FBN3: variants seen among roughly 807,000 people sequenced by gnomAD.
FBN3 encodes the protein fibrillin 3, also known as fibrillin-3.
Under a neutral mutation model 330.1 loss-of-function variants are expected in FBN3, and 234 were observed. The ratio of observed to expected loss-of-function variants is 0.71; its 90% CI spans 0.64 to 0.79. The LOEUF (loss-of-function observed/expected upper bound fraction) is 0.79. Among genes scored for constraint, FBN3 ranks in the 30% least tolerant of loss-of-function variants. The pLI, the probability that FBN3 is intolerant of heterozygous loss-of-function variation, is 0.00. For synonymous variants in FBN3, 1,458 were observed against 1,517.3 expected (o/e 0.96, Z 0.91); for missense variants, 3,606 against 3,886.9 (o/e 0.93, Z 1.92).
At chr19:8,145,964 A>G in intron 4 of FBN3, 26 bp from the exon 5 acceptor site, 1 of 1,542,268 alleles carries the variant, frequency 6.5e-7, no homozygotes, top group Non-Finnish European at 8.8e-7. Flanking sequence ...CAGGACGCAT[A>G]GTAATGTGGA....
chr19:8,119,606 T>G (rs1454175027), intron 25 of FBN3, among the ~76,000 whole-genome samples: 1 of 151,996 alleles, frequency 6.6e-6, no homozygotes, highest in Non-Finnish European at 1.5e-5. Context: ...CTCCGCCTCC[T>G]GGGTTCATGC....
rs79008349 is a variant in FBN3, at chr19:8,086,211, G to C, written c.6869C>G (p.Thr2290Ser). The change falls in exon 55 of 64, where the codon ACC (threonine) becomes AGC (serine). Residue 2290 changes from threonine to serine, a missense_variant. Physicochemically the swap from Thr to Ser is moderately conservative, Grantham distance 58. Transcript: ENST00000600128. ...CCAGCCACACTCACCGTGGCACTCG[G>C]TAAGGGTGGGGCTGGGCTGGAATCC... ...DEGFQPSPTL[T>S]ECHDIRQGPC... is the part of the protein sequence containing the mutation. 1.3e-5 allele frequency: 21 copies of C among 1,608,838 alleles called. No individual in the cohort carries two copies. The highest frequency in any genetic ancestry group is 1.7e-5 in the Admixed American group (1 of 59,636).
At chr19:8,103,726 C>A in intron 38 of FBN3, 39 bp from the exon 39 acceptor site, 1 of 1,598,772 alleles carries the variant, frequency 6.3e-7, no homozygotes, top group Admixed American at 1.7e-5. Flanking sequence ...CAGTGGGCAG[C>A]GTCCAGGAAT....
intron 45 of FBN3, 80 bp from the exon 46 acceptor site, chr19:8,095,583 T>C: frequency 6.8e-7 from 1 of 1,481,192 alleles, no homozygotes; most frequent in Non-Finnish European, 9.2e-7. Flanking sequence ...TGTCCACAAC[T>C]GAGTTGAGCT....
At chr19:8,087,993 G>C in intron 52 of FBN3, 46 bp from the exon 53 acceptor site, 2 of 1,614,040 alleles carry the variant, frequency 1.2e-6, no homozygotes, top group Non-Finnish European at 1.7e-6. Context: ...ACTGAGGGCG[G>C]GACCTCCACT....
intron 48 of FBN3, among the ~76,000 whole-genome samples, chr19:8,090,542 G>A (rs533179837): frequency 6.7e-6 from 1 of 150,116 alleles, no homozygotes; most frequent in Non-Finnish European, 1.5e-5. Flanking sequence ...GGAGTGCAGT[G>A]GCACGATCTC....
intron 10 of FBN3, among the ~76,000 whole-genome samples, chr19:8,137,343 G>A (rs1196003115): frequency 6.7e-6 from 1 of 148,986 alleles, no homozygotes; most frequent in African/African-American, 2.5e-5. Context: ...TCCAACCTGG[G>A]GCCTTAGATC....
chr19:8,084,776 T>C (rs150353903), intron 56 of FBN3, among the ~76,000 whole-genome samples: 8,197 of 151,578 alleles, frequency 0.054, 754 homozygotes, highest in African/African-American at 0.19. Context: ...TTAGTAGAGA[T>C]GAGGTTTCAC....
chr19:8,130,974 A>G (rs1394770268), intron 16 of FBN3, among the ~76,000 whole-genome samples: 1 of 152,104 alleles, frequency 6.6e-6, no homozygotes, highest in Non-Finnish European at 1.5e-5. Context: ...AGATTGCTGG[A>G]GCCACCACCA....
chr19:8,085,932 C>T (rs967205291), intron 55 of FBN3, among the ~76,000 whole-genome samples: 4 of 150,804 alleles, frequency 2.7e-5, no homozygotes, highest in Non-Finnish European at 5.9e-5. Flanking sequence ...CCGTCAGTGC[C>T]GCAGGCCCCG....
chr19:8,146,046 C>G lies in FBN3; in HGVS notation c.349+81G>C, dbSNP rs2083536000. 25 of 1,508,482 alleles carry G rather than the reference C, an allele frequency of 1.7e-5. No homozygotes were observed. The Admixed American group carries it at 4.7e-4, about 29-fold the overall frequency. The allele number at this position is 1,508,482 out of a possible 1,614,324, so 93.4% of individuals were successfully genotyped here. ...GCTCAGCCCCGCTCCTGTCCTTCAA[C>G]AAAAGCAGCCCAGGCTCCTCGTGGC... On this transcript the variant is annotated intron_variant, in intron 4 of 63. Transcript: ENST00000600128.
intron 30 of FBN3, among the ~76,000 whole-genome samples, chr19:8,113,071 A>T (rs144189520): frequency 2.0e-5 from 3 of 152,346 alleles, no homozygotes; most frequent in Non-Finnish European, 4.4e-5. Flanking sequence ...GATGTAACTA[A>T]GTTAAGATGA....
At chr19:8,081,917 G>T (rs1474741586) in intron 57 of FBN3, among the ~76,000 whole-genome samples, 1 of 151,978 alleles carries the variant, frequency 6.6e-6, no homozygotes, top group Non-Finnish European at 1.5e-5. Context: ...CAGGGTGGGG[G>T]TGGGAGAACG....
intron 9 of FBN3, 41 bp from the exon 10 acceptor site, chr19:8,138,364 C>T (rs1489310035): frequency 2.5e-6 from 4 of 1,610,360 alleles, no homozygotes; most frequent in Non-Finnish European, 3.4e-6. Flanking sequence ...TTGGCCCTCC[C>T]CTGTCCCCTC....
chr19:8,080,896 A>T, intron 59 of FBN3, 107 bp downstream of exon 59: 1 of 757,724 alleles, frequency 1.3e-6, no homozygotes, highest in Non-Finnish European at 2.2e-6. Flanking sequence ...TGCTGGGATT[A>T]CAGGCGTGAG....
chr19:8,086,264 C>T lies in FBN3; in HGVS notation c.6816G>A (p.Ala2272=), dbSNP rs770460312. The stretch of plus-strand genomic sequence containing the variant: ...CATCACAGTCGCACCGGAAGCTGCC[C>T]GCGGTGTTGACACAGCGGCCGTTGA... The part of the protein sequence containing the change: ...LCVNGRCVNT[A]GSFRCDCDEG... The change falls in exon 55 of 64, where the codon GCG becomes GCA. Residue 2272 remains alanine, a synonymous_variant. Transcript: ENST00000600128. The T allele has an allele frequency of 1.3e-5, 21 of 1,611,086 alleles. No homozygotes were observed. Among genetic ancestry groups the T allele is most frequent in the Admixed American group, 5.0e-5 (3 of 59,792 alleles).
intron 16 of FBN3, among the ~76,000 whole-genome samples, chr19:8,130,583 T>TGAAAGAAA (rs1295951203): frequency 4.3e-4 from 6 of 14,068 alleles, no homozygotes; most frequent in African/African-American, 3.0e-3. Context: ...AAAGAAAGAA[T>TGAAAGAAA]GAAAGAAAGA....
chr19:8,135,936 G>GGGGGGGGGGGGGGGGGGGGGGGGGGGCC, intron 13 of FBN3, 25 bp downstream of exon 13: 2 of 668,776 alleles, frequency 3.0e-6, no homozygotes, highest in Non-Finnish European at 4.8e-6. Context: ...GGAAGCCCCT[G>GGGGGGGGGGGGGGGGGGGGGGGGGGGCC]CCCACCCGCC....
intron 28 of FBN3, among the ~76,000 whole-genome samples, 164 bp downstream of exon 28, chr19:8,117,005 G>T (rs2082720353): frequency 1.3e-5 from 2 of 152,086 alleles, no homozygotes; most frequent in Admixed American, 6.6e-5. Context: ...TCTCCCACAG[G>T]GTGAGCAGCC....
Sources: gnomAD v4.1 joint callset for allele counts (sites outside exome capture counted in the v4.1 genomes callset) on GRCh38, gnomAD v4.1.1 for gene constraint, MANE v1.5 for transcripts, NCBI Gene and HGNC (gene_info 2026-07-23, HGNC 2026-07-21) for gene names.